The following DOK7 variants were observed in gnomAD, a reference collection of about 807,000 sequenced individuals.
The protein encoded by DOK7 is docking protein 7.
A neutral mutation model predicts 30.7 loss-of-function variants in DOK7; 32 were observed. The ratio of observed to expected loss-of-function variants is 1.04; its 90% CI spans 0.79 to 1.40. The LOEUF (loss-of-function observed/expected upper bound fraction) is 1.40, where lower values mean the gene tolerates loss of function less well. Among genes scored for constraint, DOK7 ranks in the 40% most tolerant of loss-of-function variants. The pLI is 0.00. For missense variants in DOK7, 1,007 were observed against 699.2 expected, an observed-to-expected ratio of 1.44 and a Z score of -4.97; for synonymous variants, 447 against 324.1, an observed-to-expected ratio of 1.38 and a Z score of -4.07.
At chr4:3,495,058 G>C (rs538464322), downstream of DOK7, among the ~76,000 whole-genome samples, 1 of 152,306 alleles carries the variant, frequency 6.6e-6, no homozygotes, top group South Asian at 2.1e-4. Context: ...TGGGGACTGA[G>C]TTTGGGCCAC....
Position 3,494,128 on chromosome 4 carries a change from C to T in DOK7, c.*627C>T, listed in dbSNP as rs776972229. On this transcript the variant is annotated 3_prime_UTR_variant, in exon 7 of 7. Transcript: ENST00000340083. ...CCAGTGAAGCCCTTGTGGGAAGGTT[C>T]CGGGAGCAGGTGGTGTCCTCAGAGC... 1.4e-5 allele frequency: 14 copies of T among 985,678 alleles called. No individual in the cohort carries two copies. Among genetic ancestry groups the T allele is most frequent in the Admixed American group, 6.1e-5 (1 of 16,290 alleles). The allele number at this position is 985,678 out of a possible 1,614,324, so 61.1% of individuals were successfully genotyped here.
chr4:3,500,610 C>A, intron 7 of DOK7: 1 of 1,530,276 alleles, frequency 6.5e-7, no homozygotes. Flanking sequence ...GAGGGCCTGG[C>A]TGGGGGACTG....
chr4:3,488,982 C>T (rs147639884), intron 5 of DOK7, among the ~76,000 whole-genome samples: 30 of 152,206 alleles, frequency 2.0e-4, no homozygotes, highest in Non-Finnish European at 1.2e-4. Context: ...CTGAGGCTCG[C>T]AGCAGCGGTG....
At chr4:3,481,895 C>T (rs1190514461) in intron 4 of DOK7, among the ~76,000 whole-genome samples, 9 of 152,150 alleles carry the variant, frequency 5.9e-5, no homozygotes, top group Non-Finnish European at 1.2e-4. Flanking sequence ...AGACGTGTTT[C>T]TCAGGAAGCA....
rs1341307448 is a variant in DOK7 at position 3,491,339 on chromosome 4, T to TC, written c.773-1420_773-1419insC. Among the ~76,000 whole-genome samples the TC allele has an allele frequency of 6.5e-4, 89 of 137,074 alleles. 1 individual carries two copies. The highest frequency in any genetic ancestry group is 1.9e-3 in the African/African-American group (70 of 36,274). The allele number at this position is 137,074 out of a possible 152,430, so 89.9% of individuals were successfully genotyped here. A position where few individuals can be genotyped will look rare whatever the true frequency, so the allele number is the denominator to read the frequency against. On this transcript the variant is annotated intron_variant, in intron 6 of 6. Transcript: ENST00000340083. ...CTCCCCCTGCTCATTCATTCCTTCC[T>TC]TCTTCGCCTGCTTGTTCCTTCCTTC...
chr4:3,465,244 C>A (rs1208536252), intron 2 of DOK7, among the ~76,000 whole-genome samples: 2 of 152,192 alleles, frequency 1.3e-5, no homozygotes, highest in Non-Finnish European at 2.9e-5. Flanking sequence ...CACCTCCCCA[C>A]CCTGACCAGG....
intron 6 of DOK7, among the ~76,000 whole-genome samples, chr4:3,499,530 C>G (rs1285417127): frequency 6.6e-6 from 1 of 152,158 alleles, no homozygotes; most frequent in Non-Finnish European, 1.5e-5. Flanking sequence ...AAGGTGGGAG[C>G]CTGCCTCAAG....
Position 3,492,971 on chromosome 4 carries a change from G to A in DOK7, c.985G>A (p.Glu329Lys). The A allele has an allele frequency of 6.4e-7, 1 of 1,553,372 alleles. No homozygotes were observed. Among genetic ancestry groups the A allele is most frequent in the South Asian group, 1.2e-5 (1 of 85,380 alleles). ...GCCGCTGCGTCCGCGGCAGCTGCAGGAGGTTGGCCGCCAGAGCTCCTCGGA... is the reference window on the plus strand; with the variant it reads ...GCCGCTGCGTCCGCGGCAGCTGCAGAAGGTTGGCCGCCAGAGCTCCTCGGA... ...PKPLRPRQLQ[E>K]VGRQSSSDSG... Residue 329 changes from glutamate to lysine, a missense_variant, in exon 7 of 7, where the codon GAG (glutamate) becomes AAG (lysine). Transcript: ENST00000340083.
Position 3,493,606 on chromosome 4 carries a change from G to C in DOK7, c.*105G>C. ...GCAGACTGGTGCTCTGTGTTCTGTG[G>C]GAGGGACCGGGGGTCTCCCGGAGAG... On this transcript the variant is annotated 3_prime_UTR_variant, in exon 7 of 7. Transcript: ENST00000340083. 6.6e-7 allele frequency: 1 copy of C among 1,524,084 alleles called. No homozygotes were observed. The allele number at this position is 1,524,084 out of a possible 1,614,324, so 94.4% of individuals were successfully genotyped here.
chr4:3,493,984 CCAGCCCAGCCCCCCTGGGCTCCGT>C lies in DOK7; in HGVS notation c.*484_*507del. ...AGAGGCTCCGGCCACCTGGGCTCCACCAGCCCAGCCCCCCTGGGCTCCGTGTGCGCTGGGCCTCATCCCCATCTA... is the reference window on the plus strand; with the variant it reads ...AGAGGCTCCGGCCACCTGGGCTCCACGTGCGCTGGGCCTCATCCCCATCTA... On this transcript the variant is annotated 3_prime_UTR_variant, in exon 7 of 7. Coordinates refer to ENST00000340083, the MANE Select transcript of DOK7 (RefSeq NM_173660.5). 1 of 976,448 alleles carries C rather than the reference CCAGCCCAGCCCCCCTGGGCTCCGT, an allele frequency of 1.0e-6. No homozygotes were observed. Among genetic ancestry groups the C allele is most frequent in the Non-Finnish European group, 1.2e-6 (1 of 830,328 alleles). 60.5% of individuals were successfully genotyped at this position (976,448 alleles called of 1,614,324 possible).
chr4:3,484,992 G>A (rs1404164506), intron 4 of DOK7: 13 of 638,816 alleles, frequency 2.0e-5, no homozygotes, highest in Non-Finnish European at 2.5e-5. Flanking sequence ...GAGCCCTGAG[G>A]GGACCCTACT....
intron 6 of DOK7, among the ~76,000 whole-genome samples, chr4:3,499,839 G>A (rs867685861): frequency 2.9e-4 from 44 of 152,206 alleles, no homozygotes; most frequent in Admixed American, 5.9e-4. Context: ...GGGCTGTGCT[G>A]GCCCGGGAGG....
chr4:3,473,242 G>A (rs1726865531), intron 2 of DOK7, among the ~76,000 whole-genome samples, 164 bp from the exon 3 acceptor site: 1 of 152,234 alleles, frequency 6.6e-6, no homozygotes, highest in Admixed American at 6.5e-5. Flanking sequence ...GGAGGGGATC[G>A]CCCCATTTTG....
chr4:3,493,549 C>A lies in DOK7; in HGVS notation c.*48C>A. 6.3e-7 allele frequency: 1 copy of A among 1,594,048 alleles called. No individual in the cohort carries two copies. Among genetic ancestry groups the A allele is most frequent in the Non-Finnish European group, 8.5e-7 (1 of 1,170,488 alleles). The stretch of plus-strand genomic sequence containing the variant: ...GCTGCAAAGGGGCTGAATTTGCCCC[C>A]AGATGGCAGAGGAAGTGGCGCCAGC... On this transcript the variant is annotated 3_prime_UTR_variant, in exon 7 of 7. Transcript: ENST00000340083.
At chr4:3,468,915 A>T (rs530195715) in intron 2 of DOK7, among the ~76,000 whole-genome samples, 1 of 137,616 alleles carries the variant, frequency 7.3e-6, no homozygotes, top group Non-Finnish European at 1.6e-5. Context: ...CTGTGTGTGT[A>T]TGTGTGTATG....
At chr4:3,472,368 C>G (rs2109333765) in intron 2 of DOK7, among the ~76,000 whole-genome samples, 1 of 152,244 alleles carries the variant, frequency 6.6e-6, no homozygotes, top group East Asian at 1.9e-4. Flanking sequence ...GACATTCTCC[C>G]CAATCCCCTC....
exon 8 of DOK7, chr4:3,500,968 A>G (rs1729158315): frequency 7.5e-6 from 10 of 1,327,596 alleles, no homozygotes; most frequent in Non-Finnish European, 1.0e-5. Flanking sequence ...TCTCCGGGCC[A>G]TGGTGCAAAC....
At position 3,492,669 on chromosome 4, in the gene DOK7, G is replaced by GGGT. The variant is rs1728557696; in HGVS notation, c.773-90_773-89insGGT. 6 of 1,559,948 alleles carry GGGT rather than the reference G, an allele frequency of 3.8e-6. No individual in the cohort carries two copies. The Admixed American group carries it at 1.1e-4, about 27-fold the overall frequency. On this transcript the variant is annotated intron_variant, in intron 6 of 6. Transcript: ENST00000340083. ...AAGGGGTGGGGCGAGACCAGAGAGTGCTGGCCTGTGGGGGTCCACCAGGCA... is the reference window on the plus strand; with the variant it reads ...AAGGGGTGGGGCGAGACCAGAGAGTGGGTCTGGCCTGTGGGGGTCCACCAGGCA...
At chr4:3,481,326 T>A (rs12648907) in intron 4 of DOK7, among the ~76,000 whole-genome samples, 30,411 of 151,682 alleles carry the variant, frequency 0.2, 3,274 homozygotes, top group South Asian at 0.29. Flanking sequence ...GTCCAGAAGA[T>A]GGAGGGCGAG....
Sources: gnomAD v4.1 joint callset for allele counts (sites outside exome capture counted in the v4.1 genomes callset) on GRCh38, gnomAD v4.1.1 for gene constraint, MANE v1.5 for transcripts, NCBI Gene and HGNC (gene_info 2026-07-23, HGNC 2026-07-21) for gene names.